Variants in RABGAP1L observed in about 807,000 individuals in gnomAD.
The protein encoded by RABGAP1L is RAB GTPase activating protein 1 like.
RABGAP1L carries 63 observed loss-of-function variants against 137.7 expected under a neutral mutation model. That is an observed-to-expected ratio of 0.46 (90% confidence interval 0.37 to 0.56). The LOEUF is 0.56. Among genes scored for constraint, RABGAP1L ranks in the 20% least tolerant of loss-of-function variants. RABGAP1L has a pLI of 0.00. For synonymous variants in RABGAP1L, 431 were observed against 433.7 expected, an observed-to-expected ratio of 0.99 and a Z score of 0.08; for missense variants, 1,095 against 1,244.0, an observed-to-expected ratio of 0.88 and a Z score of 1.80.
chr1:174,541,243 C>A (rs1045117396), intron 13 of RABGAP1L, among the ~76,000 whole-genome samples: 23 of 152,148 alleles, frequency 1.5e-4, no homozygotes, highest in African/African-American at 5.6e-4. Context: ...TAAACAGGGA[C>A]AATTTGACTT....
intron 19 of RABGAP1L, among the ~76,000 whole-genome samples, chr1:174,909,532 A>T (rs922534195): frequency 1.3e-5 from 2 of 152,214 alleles, no homozygotes; most frequent in South Asian, 2.1e-4. Context: ...CATCCTAAAA[A>T]TTTTTTGAAA....
chr1:174,815,381 A>T (rs1043408956), intron 19 of RABGAP1L, among the ~76,000 whole-genome samples: 4 of 152,098 alleles, frequency 2.6e-5, no homozygotes, highest in African/African-American at 9.7e-5. Context: ...AGAAAGTTTA[A>T]CTCCTTATCC....
At chr1:174,188,881 A>T (rs1392109516) in intron 1 of RABGAP1L, among the ~76,000 whole-genome samples, 1 of 152,172 alleles carries the variant, frequency 6.6e-6, no homozygotes, top group Non-Finnish European at 1.5e-5. Flanking sequence ...TTGGAATGGG[A>T]TATGAACATT....
chr1:174,956,024 A>G (rs769563331), intron 19 of RABGAP1L, among the ~76,000 whole-genome samples: 1 of 152,218 alleles, frequency 6.6e-6, no homozygotes, highest in Non-Finnish European at 1.5e-5. Context: ...AATAAGTTCT[A>G]ATACGTTAAT....
At chr1:174,329,852 C>G (rs541819101) in intron 11 of RABGAP1L, among the ~76,000 whole-genome samples, 1 of 151,142 alleles carries the variant, frequency 6.6e-6, no homozygotes, top group South Asian at 2.1e-4. Context: ...TATGATAAAA[C>G]CACAGCTAAC....
chr1:174,277,699 T>C (rs1460087376), intron 9 of RABGAP1L, among the ~76,000 whole-genome samples: 1 of 152,108 alleles, frequency 6.6e-6, no homozygotes, highest in African/African-American at 2.4e-5. Context: ...GGAAGAAGTT[T>C]AGAACCTGAG....
At chr1:174,601,090 A>G (rs1174968128) in intron 13 of RABGAP1L, among the ~76,000 whole-genome samples, 2 of 152,164 alleles carry the variant, frequency 1.3e-5, no homozygotes, top group Non-Finnish European at 2.9e-5. Context: ...GAAGCTGCCA[A>G]GGTTTGGAGC....
intron 17 of RABGAP1L, among the ~76,000 whole-genome samples, chr1:174,716,689 T>C (rs914153951): frequency 1.3e-5 from 2 of 152,226 alleles, no homozygotes; most frequent in African/African-American, 4.8e-5. Flanking sequence ...TGTTATTTTT[T>C]AGAAGTCCAC....
At chr1:174,696,098 G>A (rs753109036) in intron 15 of RABGAP1L, among the ~76,000 whole-genome samples, 1 of 152,028 alleles carries the variant, frequency 6.6e-6, no homozygotes, top group Non-Finnish European at 1.5e-5. Flanking sequence ...ACTACTGCCT[G>A]GCTGCTGCTG....
intron 13 of RABGAP1L, among the ~76,000 whole-genome samples, chr1:174,589,420 C>A (rs1333320323): frequency 6.6e-6 from 1 of 152,102 alleles, no homozygotes; most frequent in Non-Finnish European, 1.5e-5. Flanking sequence ...CTTCGTTGAT[C>A]ATTTCCTTTG....
rs1308284828 is a variant in RABGAP1L, at chr1:174,761,490, C to T, written c.2211+9136C>T. 1.3e-5 allele frequency among the ~76,000 whole-genome samples: 2 copies of T among 151,478 alleles called. No homozygotes were observed. Among genetic ancestry groups the T allele is most frequent in the African/African-American group, 4.9e-5 (2 of 41,204 alleles). ...GGTGCTCCTCACTTCCCAGACAATG[C>T]AGGGGCCGGGGAGAGGCGCTGCTCA... On this transcript the variant is annotated intron_variant, in intron 18 of 25. Transcript: ENST00000681986. The surrounding 1 kb of genome is among the most constrained non-coding windows in gnomAD (Gnocchi z 4.0).
At chr1:174,605,353 A>T (rs979685905) in intron 13 of RABGAP1L, among the ~76,000 whole-genome samples, 3 of 152,158 alleles carry the variant, frequency 2.0e-5, no homozygotes, top group African/African-American at 7.2e-5. Flanking sequence ...CTCTCCCAGA[A>T]AGTCAACAAG....
At chr1:174,962,220 G>A (rs1288629317) in intron 20 of RABGAP1L, among the ~76,000 whole-genome samples, 1 of 115,238 alleles carries the variant, frequency 8.7e-6, no homozygotes. Flanking sequence ...CACACACACA[G>A]CTAGTTAATT....
At position 174,702,222 on chromosome 1, in the gene RABGAP1L, T is replaced by C. The variant is rs774645956; in HGVS notation, c.2135T>C (p.Met712Thr). The stretch of plus-strand genomic sequence containing the variant: ...TTTACTGCCAAGTTCCCACTCTGCA[T>C]GGTGTTCCACATCATTGACTTACTG... Reference protein sequence around the residue: ...TLFTAKFPLCMVFHIIDLLLC... With the variant: ...TLFTAKFPLCTVFHIIDLLLC... The change falls in exon 17 of 26, where the codon ATG becomes ACG. Residue 712 changes from methionine (M) to threonine (T), a missense_variant. Met to Thr is a moderately conservative substitution (Grantham distance 81). Coordinates refer to ENST00000681986, the MANE Select transcript of RABGAP1L (RefSeq NM_001366446.1). 1 of 1,612,278 alleles carries C rather than the reference T, an allele frequency of 6.2e-7. No homozygotes were observed. Among genetic ancestry groups the C allele is most frequent in the Admixed American group, 1.7e-5 (1 of 59,744 alleles).
intron 13 of RABGAP1L, among the ~76,000 whole-genome samples, chr1:174,525,797 G>A (rs561134450): frequency 6.6e-6 from 1 of 152,098 alleles, no homozygotes; most frequent in South Asian, 2.1e-4. Context: ...ATTATTTTGA[G>A]GTATATTCCT....
intron 7 of RABGAP1L, among the ~76,000 whole-genome samples, chr1:174,269,829 C>T (rs530948009): frequency 1.6e-4 from 25 of 152,206 alleles, no homozygotes; most frequent in African/African-American, 5.8e-4. Context: ...ACTGTAAACT[C>T]CTTGAGAAAA....
rs892324331 is a variant in RABGAP1L, at chr1:174,416,044, AT to A, written c.1710+21909del. 8.3e-5 allele frequency among the ~76,000 whole-genome samples: 12 copies of A among 144,364 alleles called. 2 individuals are homozygous for A. The highest frequency in any genetic ancestry group is 3.4e-4 in the Admixed American group (5 of 14,546). The allele number at this position is 144,364 out of a possible 152,430, so 94.7% of individuals were successfully genotyped here. A position where few individuals can be genotyped will look rare whatever the true frequency, so the allele number is the denominator to read the frequency against. ...CATATATATATATATATACACACAC[AT>A]TTTTTTTTTCCTGTTTGGCCTGATG... On this transcript the variant is annotated intron_variant, in intron 13 of 25. Coordinates refer to ENST00000681986, the MANE Select transcript of RABGAP1L (RefSeq NM_001366446.1).
rs1685180804 is a variant in RABGAP1L, at chr1:174,761,069, A to C, written c.2211+8715A>C. 1.3e-5 allele frequency among the ~76,000 whole-genome samples: 2 copies of C among 152,180 alleles called. No individual in the cohort carries two copies. The highest frequency in any genetic ancestry group is 1.3e-4 in the Admixed American group (2 of 15,272). Reference sequence around the variant, plus strand: ...AGACATACACAAGACTGGGCAATTTATAAAAGAAAGAGGTTTAATGGACTT... The same window carrying C: ...AGACATACACAAGACTGGGCAATTTCTAAAAGAAAGAGGTTTAATGGACTT... On this transcript the variant is annotated intron_variant, in intron 18 of 25. Coordinates refer to ENST00000681986, the MANE Select transcript of RABGAP1L (RefSeq NM_001366446.1). The surrounding 1 kb of genome is among the most constrained non-coding windows in gnomAD (Gnocchi z 4.0).
chr1:174,563,604 C>T (rs985646894), intron 13 of RABGAP1L, among the ~76,000 whole-genome samples: 13 of 151,984 alleles, frequency 8.6e-5, no homozygotes, highest in South Asian at 2.1e-4. Context: ...CTGTGATAAC[C>T]GAAGGGTTCC....
Sources: gnomAD v4.1 joint callset for allele counts (sites outside exome capture counted in the v4.1 genomes callset) on GRCh38, gnomAD v4.1.1 for gene constraint, Gnocchi (gnomAD v3.1) non-coding constraint, MANE v1.5 for transcripts, NCBI Gene and HGNC (gene_info 2026-07-23, HGNC 2026-07-21) for gene names.